MAF: variants seen among roughly 807,000 people sequenced by gnomAD.
The protein encoded by MAF is transcription factor Maf.
A neutral mutation model predicts 22.0 loss-of-function variants in MAF; 10 were observed. The observed-to-expected ratio is 0.45, with a 90% confidence interval of 0.28 to 0.77. The LOEUF is 0.77. MAF is among the 30% of genes least tolerant of loss of function. MAF has a pLI of 0.12. For synonymous variants in MAF, 337 were observed against 255.8 expected (o/e 1.32, Z -3.03); for missense variants, 544 against 548.4 (o/e 0.99, Z 0.08).
the MAF span, among the ~76,000 whole-genome samples, chr16:79,378,516 T>C: frequency 6.6e-6 from 1 of 152,192 alleles, no homozygotes; most frequent in Admixed American, 6.5e-5. Flanking sequence ...TGAGCATTTT[T>C]CTGTATGTTA....
At chr16:79,474,117 A>C in the MAF span, among the ~76,000 whole-genome samples, 1 of 152,152 alleles carries the variant, frequency 6.6e-6, no homozygotes, top group Non-Finnish European at 1.5e-5. Context: ...ATGATGAGGA[A>C]ATAGGAGAAG....
At chr16:79,532,273 A>C in the MAF span, among the ~76,000 whole-genome samples, 2 of 152,198 alleles carry the variant, frequency 1.3e-5, no homozygotes, top group Non-Finnish European at 2.9e-5. Context: ...AGGAGGGTTG[A>C]GAACAAACAG....
chr16:79,264,583 G>C, the MAF span: 1 of 152,188 alleles, frequency 6.6e-6, no homozygotes, highest in Non-Finnish European at 1.5e-5. Flanking sequence ...CCCAACAGTT[G>C]AGCTCTATCC....
chr16:79,318,620 G>T, the MAF span, among the ~76,000 whole-genome samples: 11 of 152,298 alleles, frequency 7.2e-5, no homozygotes, highest in Non-Finnish European at 1.6e-4. Context: ...CTAGTTCTGG[G>T]AAGGAGTAAA....
the MAF span, among the ~76,000 whole-genome samples, chr16:79,478,747 T>C: frequency 7.2e-4 from 109 of 152,072 alleles, no homozygotes; most frequent in African/African-American, 2.4e-3. Context: ...TACCTGGATG[T>C]CATCCTAGTC....
chr16:79,431,285 G>C, the MAF span, among the ~76,000 whole-genome samples: 66 of 152,276 alleles, frequency 4.3e-4, no homozygotes, highest in Admixed American at 3.6e-3. Flanking sequence ...CTGATACTTA[G>C]GCTGCTGAGG....
the MAF span, among the ~76,000 whole-genome samples, chr16:79,413,104 T>C: frequency 1.4e-4 from 21 of 151,646 alleles, no homozygotes; most frequent in Admixed American, 1.0e-3. Flanking sequence ...CATAAACTCA[T>C]ACATACTCCC....
At chr16:79,383,998 T>A in the MAF span, among the ~76,000 whole-genome samples, 1 of 152,174 alleles carries the variant, frequency 6.6e-6, no homozygotes, top group Admixed American at 6.5e-5. Context: ...GCCCAGAGCA[T>A]AAGACAGCAA....
chr16:79,341,007 G>C, the MAF span, among the ~76,000 whole-genome samples: 1 of 152,190 alleles, frequency 6.6e-6, no homozygotes, highest in Non-Finnish European at 1.5e-5. Context: ...GCTATGCAAA[G>C]AGCTGGAGAA....
the MAF span, among the ~76,000 whole-genome samples, chr16:79,498,312 G>A: frequency 6.6e-6 from 1 of 152,198 alleles, no homozygotes; most frequent in Non-Finnish European, 1.5e-5. Context: ...CATAGACAAT[G>A]TGCCAATGAG....
chr16:79,494,737 G>C, the MAF span, among the ~76,000 whole-genome samples: 2 of 152,108 alleles, frequency 1.3e-5, no homozygotes, highest in African/African-American at 4.8e-5. Flanking sequence ...GTAACCGCCT[G>C]GAGTTATGCA....
At chr16:79,267,180 G>C in the MAF span, among the ~76,000 whole-genome samples, 1 of 152,214 alleles carries the variant, frequency 6.6e-6, no homozygotes, top group East Asian at 1.9e-4. Flanking sequence ...GGTCACCATG[G>C]ATCAGCGTGG....
chr16:79,481,745 C>A, the MAF span, among the ~76,000 whole-genome samples: 1 of 152,190 alleles, frequency 6.6e-6, no homozygotes, highest in African/African-American at 2.4e-5. Flanking sequence ...TGCAGGTACT[C>A]ACTTATTCAT....
chr16:79,228,136 C>G, the MAF span, among the ~76,000 whole-genome samples: 1 of 152,094 alleles, frequency 6.6e-6, no homozygotes, highest in Non-Finnish European at 1.5e-5. Context: ...CTCCTAGCCT[C>G]AAGTGATCCT....
At chr16:79,310,800 C>G in the MAF span, among the ~76,000 whole-genome samples, 5 of 152,178 alleles carry the variant, frequency 3.3e-5, no homozygotes, top group Admixed American at 3.3e-4. Context: ...AAAATTACTG[C>G]CCTGAGTAGT....
chr16:79,334,682 G>A, the MAF span, among the ~76,000 whole-genome samples: 1 of 152,152 alleles, frequency 6.6e-6, no homozygotes, highest in South Asian at 2.1e-4. Flanking sequence ...GCCCTGCATT[G>A]TTGTACAGAG....
At chr16:79,558,236 A>G in the MAF span, among the ~76,000 whole-genome samples, 1 of 152,118 alleles carries the variant, frequency 6.6e-6, no homozygotes, top group Non-Finnish European at 1.5e-5. Flanking sequence ...GTGTGCATTT[A>G]TACTTGAGCT....
At chr16:79,343,609 T>C in the MAF span, among the ~76,000 whole-genome samples, 3 of 152,230 alleles carry the variant, frequency 2.0e-5, no homozygotes, top group Admixed American at 2.0e-4. Flanking sequence ...CTTAGAGACA[T>C]GCCTAAAGTG....
At chr16:79,430,744 C>A in the MAF span, among the ~76,000 whole-genome samples, 1 of 152,212 alleles carries the variant, frequency 6.6e-6, no homozygotes, top group Admixed American at 6.5e-5. Context: ...ATACATAAAG[C>A]CCAGTCCTTC....
Sources: allele counts gnomAD v4.1 joint callset (sites outside exome capture counted in the v4.1 genomes callset), GRCh38; gene constraint gnomAD v4.1.1; transcripts MANE v1.5; gene names NCBI Gene and HGNC (gene_info 2026-07-23, HGNC 2026-07-21).